BRCA1: variants seen among roughly 807,000 people sequenced by gnomAD.
BRCA1 encodes breast cancer type 1 susceptibility protein.
In BRCA1, 140 loss-of-function variants were observed where a neutral mutation model predicts 173.7. That is an observed-to-expected ratio of 0.81 (90% CI 0.70 to 0.93). The LOEUF (loss-of-function observed/expected upper bound fraction) is 0.93, where lower values mean the gene tolerates loss of function less well. Among genes scored for constraint, BRCA1 ranks in the 40% least tolerant of loss-of-function variants. The pLI is 0.00. For missense variants in BRCA1, 1,983 were observed against 2,172.5 expected, an observed-to-expected ratio of 0.91 and a Z score of 1.73; for synonymous variants, 662 against 756.0, an observed-to-expected ratio of 0.88 and a Z score of 2.04.
At chr17:43,083,451 T>C (rs2053107830) in intron 11 of BRCA1, among the ~76,000 whole-genome samples, 1 of 152,202 alleles carries the variant, frequency 6.6e-6, no homozygotes, top group African/African-American at 2.4e-5. Flanking sequence ...CCATTGTGCC[T>C]GACCTGAACC....
At position 43,100,664 on chromosome 17, in the gene BRCA1, A is replaced by ATG. The variant is rs1470061722; in HGVS notation, c.442-785_442-784insCA. On this transcript the variant is annotated intron_variant, in intron 6 of 22. Coordinates refer to ENST00000357654, the MANE Select transcript of BRCA1 (RefSeq NM_007294.4). ...TATATAACATATATATAACATATATATATATATATATATAATATATATATA... is the reference window on the plus strand; with the variant it reads ...TATATAACATATATATAACATATATATGTATATATATATATAATATATATATA... 8.1e-4 allele frequency among the ~76,000 whole-genome samples: 16 copies of ATG among 19,820 alleles called. 1 individual carries two copies. Among genetic ancestry groups the ATG allele is most frequent in the African/African-American group, 6.1e-3 (14 of 2,310 alleles). The allele number at this position is 19,820 out of a possible 152,430, so 13.0% of individuals were successfully genotyped here.
At position 43,067,403 on chromosome 17, in the gene BRCA1, C is replaced by T. The variant is rs113814958; in HGVS notation, c.5074+205G>A. On this transcript the variant is annotated intron_variant, in intron 16 of 22. Coordinates refer to ENST00000357654, the MANE Select transcript of BRCA1 (RefSeq NM_007294.4). ...ACGAGTAGCTGGGACTACAGGCGCACGCGACCACACCCAGCTAATTTTTTT... is the reference window on the plus strand; with the variant it reads ...ACGAGTAGCTGGGACTACAGGCGCATGCGACCACACCCAGCTAATTTTTTT... 2.0e-3 allele frequency: 883 copies of T among 444,614 alleles called. 14 individuals are homozygous for T. Among genetic ancestry groups the T allele is most frequent in the African/African-American group, 0.016 (773 of 49,628 alleles). 27.5% of individuals were successfully genotyped at this position (444,614 alleles called of 1,614,324 possible).
chr17:43,101,901 CA>C (rs1266648195), intron 6 of BRCA1, among the ~76,000 whole-genome samples: 6 of 152,030 alleles, frequency 3.9e-5, no homozygotes, highest in Admixed American at 3.3e-4. Flanking sequence ...CTTTTAAGTT[CA>C]AGTAATTTTC....
Position 43,122,729 on chromosome 17 carries a change from CA to C in BRCA1, c.80+1287del, listed in dbSNP as rs543320922. Among the ~76,000 whole-genome samples, 32 of 151,964 alleles carry C rather than the reference CA, an allele frequency of 2.1e-4. No individual in the cohort carries two copies. The South Asian group carries it at 6.4e-3, about 31-fold the overall frequency. On this transcript the variant is annotated intron_variant, in intron 2 of 22. Coordinates refer to ENST00000357654, the MANE Select transcript of BRCA1 (RefSeq NM_007294.4). ...TTTGAGACCAGCATGGCCAACATAG[CA>C]AAACCCTATCTCTACAACAGAAAAA...
At chr17:43,081,788 G>C (rs1180085323) in intron 12 of BRCA1, among the ~76,000 whole-genome samples, 1 of 152,090 alleles carries the variant, frequency 6.6e-6, no homozygotes, top group Non-Finnish European at 1.5e-5. Context: ...GCATCTGCCT[G>C]GTTACTCCAA....
intron 1 of BRCA1, chr17:43,144,652 A>AT (rs972486051): frequency 5.9e-6 from 1 of 170,412 alleles, no homozygotes; most frequent in African/African-American, 2.4e-5. Context: ...ATGCATAAAT[A>AT]TTTAACTACA....
rs786203979 is a variant in BRCA1, at chr17:43,092,440, T to C, written c.3091A>G (p.Ile1031Val). The part of the protein sequence containing the change: ...STVSTISRNN[I>V]RENVFKEASS... ...GCTTCTTTAAAAACATTTTCTCTAA[T>C]GTTATTACGGCTAATTGTGCTCACT... The change falls in exon 10 of 23, where the codon ATT becomes GTT. Residue 1031 changes from isoleucine to valine, a missense_variant. By Grantham distance (29) the Ile-to-Val change is conservative. Transcript: ENST00000357654. 2 of 1,613,996 alleles carry C rather than the reference T, an allele frequency of 1.2e-6. No homozygotes were observed. Among genetic ancestry groups the C allele is most frequent in the Non-Finnish European group, 8.5e-7 (1 of 1,180,004 alleles).
Position 43,100,657 on chromosome 17 carries a change from C to CAT in BRCA1, c.442-779_442-778dup, listed in dbSNP as rs1215235568. On this transcript the variant is annotated intron_variant, in intron 6 of 22. Transcript: ENST00000357654. ...TTATATATATATAACATATATATAACATATATATATATATATATATAATAT... is the reference window on the plus strand; with the variant it reads ...TTATATATATATAACATATATATAACATATATATATATATATATATATAATAT... Among the ~76,000 whole-genome samples, 70 of 16,104 alleles carry CAT rather than the reference C, an allele frequency of 4.3e-3. 4 individuals carry two copies. The highest frequency in any genetic ancestry group is 6.8e-3 in the Admixed American group (5 of 740). The allele number at this position is 16,104 out of a possible 152,430, so 10.6% of individuals were successfully genotyped here.
At chr17:43,123,013 C>T (rs1376710330) in intron 2 of BRCA1, among the ~76,000 whole-genome samples, 3 of 151,322 alleles carry the variant, frequency 2.0e-5, no homozygotes, top group South Asian at 2.1e-4. Flanking sequence ...GCTGAGATCG[C>T]GCCACTGCAC....
At chr17:43,118,010 A>C (rs1458005285) in intron 2 of BRCA1, among the ~76,000 whole-genome samples, 1 of 152,164 alleles carries the variant, frequency 6.6e-6, no homozygotes, top group East Asian at 1.9e-4. Flanking sequence ...CATGGGAATA[A>C]GTGCATTAAA....
rs2056187929 is a variant in BRCA1 at position 43,155,047 on chromosome 17, G to A, written c.-20+15079C>T. ...GCCTGTGTATGCAGGACATCAGATA[G>A]GTCAAGGTGCTAAAATGTAATAATC... On this transcript the variant is annotated intron_variant, in intron 1 of 7. Coordinates refer to the BRCA1 transcript ENST00000634433. Among the ~76,000 whole-genome samples the A allele has an allele frequency of 3.3e-5, 5 of 152,334 alleles. No homozygotes were observed. The South Asian group carries it at 1.0e-3, about 32-fold the overall frequency.
At chr17:43,059,037 G>C (rs1384741671) in intron 18 of BRCA1, among the ~76,000 whole-genome samples, 8 of 152,190 alleles carry the variant, frequency 5.3e-5, no homozygotes, top group Non-Finnish European at 2.9e-5. Context: ...CTAGTTACTT[G>C]AATGAGGAGT....
At chr17:43,141,602 C>T (rs1248152960) in intron 1 of BRCA1, among the ~76,000 whole-genome samples, 1 of 151,946 alleles carries the variant, frequency 6.6e-6, no homozygotes, top group Non-Finnish European at 1.5e-5. Context: ...ATCACGAGGT[C>T]AGGAGATCGA....
rs80357295 is a variant in BRCA1 at position 43,092,667 on chromosome 17, G to T, written c.2864C>A (p.Ser955Ter). The T allele has an allele frequency of 1.2e-6, 2 of 1,614,062 alleles. No homozygotes were observed. Among genetic ancestry groups the T allele is most frequent in the African/African-American group, 1.3e-5 (1 of 75,018 alleles). ...SIKGGSRFCL[S>*]SQFRGNETGL... ...AGTTTCGTTGCCTCTGAACTGAGAT[G>T]ATAGACAAAACCTAGAGCCTCCTTT... Residue 955 changes from serine (S) to a stop codon, truncating the protein, a stop_gained, in exon 10 of 23, where the codon TCA (serine) becomes TAA (stop). Transcript: ENST00000357654. LOFTEE classifies it high-confidence loss of function.
At chr17:43,087,363 A>C (rs375953953) in intron 11 of BRCA1, among the ~76,000 whole-genome samples, 1 of 152,210 alleles carries the variant, frequency 6.6e-6, no homozygotes, top group Non-Finnish European at 1.5e-5. Context: ...GAAGTCACTT[A>C]AGAATTTTAA....
intron 1 of BRCA1, chr17:43,133,283 T>G (rs1396663257): frequency 6.6e-6 from 1 of 152,176 alleles, no homozygotes; most frequent in Non-Finnish European, 1.5e-5. Flanking sequence ...AAAGGGATTA[T>G]TTAGGGCAGA....
intron 1 of BRCA1, among the ~76,000 whole-genome samples, chr17:43,135,572 G>T (rs1234670300): frequency 3.3e-5 from 5 of 152,170 alleles, no homozygotes; most frequent in Non-Finnish European, 7.4e-5. Flanking sequence ...CTTCATCCGC[G>T]TGGAACCTTC....
intron 1 of BRCA1, among the ~76,000 whole-genome samples, chr17:43,151,498 C>G (rs1374274656): frequency 2.0e-5 from 3 of 151,996 alleles, no homozygotes; most frequent in Non-Finnish European, 4.4e-5. Flanking sequence ...AAAACAAAAA[C>G]AAAAACAAAA....
rs186914333 is a variant in BRCA1 at position 43,079,472 on chromosome 17, C to A, written c.4358-2858G>T. 8.2e-4 allele frequency: 1,144 copies of A among 1,395,640 alleles called. No individual in the cohort carries two copies. Among genetic ancestry groups the A allele is most frequent in the Non-Finnish European group, 1.0e-3 (1,041 of 994,288 alleles). The allele number at this position is 1,395,640 out of a possible 1,614,324, so 86.5% of individuals were successfully genotyped here. ...AAAAAGGAATGCCCCACAAGTGTTA[C>A]CATGGCAAAACTGGAAAAGTCTACA... On this transcript the variant is annotated intron_variant, in intron 12 of 22. Coordinates refer to ENST00000357654, the MANE Select transcript of BRCA1 (RefSeq NM_007294.4).
Sources: allele counts gnomAD v4.1 joint callset (sites outside exome capture counted in the v4.1 genomes callset), GRCh38; gene constraint gnomAD v4.1.1; transcripts MANE v1.5; gene names NCBI Gene and HGNC (gene_info 2026-07-23, HGNC 2026-07-21).